Variants in LRRC36 observed in about 807,000 individuals in gnomAD.
LRRC36 encodes leucine-rich repeat-containing protein 36.
LRRC36 carries 62 observed loss-of-function variants against 81.1 expected under a neutral mutation model. The ratio of observed to expected loss-of-function variants is 0.76; its 90% CI spans 0.62 to 0.94. LRRC36 has a LOEUF of 0.94. LRRC36 is among the 40% of genes least tolerant of loss of function. The pLI, the probability that LRRC36 is intolerant of heterozygous loss-of-function variation, is 0.00. For synonymous variants in LRRC36, 334 were observed against 348.6 expected (o/e 0.96, Z 0.47); for missense variants, 761 against 881.7 (o/e 0.86, Z 1.73).
intron 1 of LRRC36, among the ~76,000 whole-genome samples, chr16:67,331,256 A>G (rs541510043): frequency 2.0e-5 from 3 of 152,298 alleles, no homozygotes; most frequent in African/African-American, 7.2e-5. Context: ...ACGTTTCAAC[A>G]TGAAAGCTGG....
chr16:67,360,746 A>G (rs528002825), intron 5 of LRRC36, among the ~76,000 whole-genome samples: 54 of 152,314 alleles, frequency 3.5e-4, no homozygotes, highest in Non-Finnish European at 7.2e-4. Flanking sequence ...GCTGGTTCTC[A>G]AGAGGCTGGC....
intron 1 of LRRC36, among the ~76,000 whole-genome samples, chr16:67,338,862 T>C (rs2037886709): frequency 7.6e-6 from 1 of 131,630 alleles, no homozygotes; most frequent in Non-Finnish European, 1.6e-5. Context: ...GCTTGGAAGC[T>C]GAATTTTTTT....
chr16:67,358,140 C>A (rs2038981825), intron 5 of LRRC36, among the ~76,000 whole-genome samples: 4 of 142,362 alleles, frequency 2.8e-5, no homozygotes, highest in Non-Finnish European at 6.0e-5. Context: ...CGTACTTAGT[C>A]ATAATAGTGG....
intron 1 of LRRC36, among the ~76,000 whole-genome samples, chr16:67,328,835 T>G (rs1362186405): frequency 6.6e-6 from 1 of 150,486 alleles, no homozygotes; most frequent in Non-Finnish European, 1.5e-5. Flanking sequence ...TCCAACCCCC[T>G]ACACTGACTA....
In LRRC36 at chr16:67,377,390, G is replaced by A. The variant is rs577347025; in HGVS notation, c.1806+518G>A. Among the ~76,000 whole-genome samples the A allele has an allele frequency of 3.3e-5, 5 of 152,290 alleles. No homozygotes were observed. The East Asian group carries it at 5.8e-4, about 18-fold the overall frequency. ...CTGTTACCCAGCCTCGAGCGCAGTG[G>A]CACGATCTCGGCTCACTGCAACCTC... On this transcript the variant is annotated intron_variant, in intron 11 of 13. Coordinates refer to ENST00000329956, the MANE Select transcript of LRRC36 (RefSeq NM_018296.6).
At chr16:67,376,913 C>G (rs964854929) in intron 11 of LRRC36, 41 bp downstream of exon 11, 2 of 1,567,522 alleles carry the variant, frequency 1.3e-6, no homozygotes, top group Admixed American at 3.6e-5. Context: ...GACAGAGCAG[C>G]AGAACTACAA....
chr16:67,344,965 TC>T (rs2142012500), intron 2 of LRRC36, among the ~76,000 whole-genome samples: 1 of 152,092 alleles, frequency 6.6e-6, no homozygotes, highest in East Asian at 1.9e-4. Context: ...ATGACAGAAT[TC>T]CTTTTATGGA....
chr16:67,363,862 T>G (rs938051147), intron 6 of LRRC36, 148 bp downstream of exon 6: 2 of 732,940 alleles, frequency 2.7e-6, no homozygotes, highest in African/African-American at 3.6e-5. Flanking sequence ...CAGGACAGAA[T>G]GCAGAGTACC....
intron 13 of LRRC36, 95 bp downstream of exon 13, chr16:67,382,342 G>C: frequency 1.2e-6 from 1 of 802,222 alleles, no homozygotes; most frequent in Non-Finnish European, 2.0e-6. Flanking sequence ...TATGCACTTT[G>C]CAAGTGAACT....
intron 5 of LRRC36, 127 bp downstream of exon 5, chr16:67,350,417 TG>T: frequency 1.3e-6 from 1 of 792,314 alleles, no homozygotes; most frequent in Non-Finnish European, 2.1e-6. Context: ...ACAGGTTTAC[TG>T]GCTGTGTTTT....
chr16:67,379,899 T>TCC (rs2040048533), intron 12 of LRRC36, among the ~76,000 whole-genome samples: 1 of 152,202 alleles, frequency 6.6e-6, no homozygotes, highest in African/African-American at 2.4e-5. Flanking sequence ...CCTAATGTTA[T>TCC]TAATTTCATA....
Position 67,367,503 on chromosome 16 carries a change from G to C in LRRC36, c.1195+46G>C, listed in dbSNP as rs1354109477. On this transcript the variant is annotated intron_variant, in intron 8 of 13. Coordinates refer to ENST00000329956, the MANE Select transcript of LRRC36 (RefSeq NM_018296.6). Reference sequence around the variant, plus strand: ...TACAGGTCTTCTTCATAGGCATGAAGATAGAAGATATAAGTGAAAATTTTG... The same window carrying C: ...TACAGGTCTTCTTCATAGGCATGAACATAGAAGATATAAGTGAAAATTTTG... 3 of 1,511,482 alleles carry C rather than the reference G, an allele frequency of 2.0e-6. No individual in the cohort carries two copies. The African/African-American group carries it at 4.2e-5, about 21-fold the overall frequency. The allele number at this position is 1,511,482 out of a possible 1,614,324, so 93.6% of individuals were successfully genotyped here.
At chr16:67,365,905 C>A (rs903880664) in intron 7 of LRRC36, among the ~76,000 whole-genome samples, 14 of 151,168 alleles carry the variant, frequency 9.3e-5, no homozygotes, top group African/African-American at 2.4e-4. Context: ...AGATTTAAAT[C>A]TATCCATTAA....
At chr16:67,345,990 T>C (rs1443361456) in intron 2 of LRRC36, among the ~76,000 whole-genome samples, 2 of 152,172 alleles carry the variant, frequency 1.3e-5, no homozygotes, top group Admixed American at 1.3e-4. Context: ...AAGTGGAGAA[T>C]TGACTGCAGA....
At chr16:67,334,797 A>AT (rs1406539960) in intron 1 of LRRC36, among the ~76,000 whole-genome samples, 2 of 152,148 alleles carry the variant, frequency 1.3e-5, no homozygotes, top group African/African-American at 4.8e-5. Flanking sequence ...GGCCTGAGAA[A>AT]TAAAGGGACA....
Position 67,375,297 on chromosome 16 carries a change from T to C in LRRC36, c.1545T>C (p.Ser515=). The C allele has an allele frequency of 6.2e-7, 1 of 1,611,872 alleles. No individual in the cohort carries two copies. Among genetic ancestry groups the C allele is most frequent in the Middle Eastern group, 1.7e-4 (1 of 6,054 alleles). The part of the protein sequence containing the change: ...GSLHGLAGNH[S]PPISARTPHV... The stretch of plus-strand genomic sequence containing the variant: ...TGCACGGTTTGGCTGGAAACCACAG[T>C]CCCCCCATCTCTGCCAGAACCCCCC... Residue 515 remains serine, a synonymous_variant, in exon 10 of 14, where the codon AGT becomes AGC. Coordinates refer to ENST00000329956, the MANE Select transcript of LRRC36 (RefSeq NM_018296.6).
Position 67,341,977 on chromosome 16 carries a change from T to C in LRRC36, c.91T>C (p.Leu31=), listed in dbSNP as rs149138492. ...TTCAGAACTGGTGGAGTCTCTTTCA[T>C]TGCAGGGATCTTATGCTGGCAAAAT... ...EQPELVESLS[L]QGSYAGKIHS... The change falls in exon 2 of 14, where the codon TTG becomes CTG. Residue 31 remains leucine, a synonymous_variant. Transcript: ENST00000329956. The C allele has an allele frequency of 2.4e-5, 39 of 1,611,502 alleles. No homozygotes were observed. The highest frequency in any genetic ancestry group is 3.1e-5 in the Non-Finnish European group (37 of 1,178,294).
chr16:67,377,423 C>CA (rs1391980195), intron 11 of LRRC36, among the ~76,000 whole-genome samples: 2 of 152,196 alleles, frequency 1.3e-5, no homozygotes, highest in Admixed American at 1.3e-4. Flanking sequence ...CTCTGCCCCC[C>CA]AGGTTCAAGC....
chr16:67,365,562 A>AT (rs539996826), intron 7 of LRRC36, among the ~76,000 whole-genome samples: 25 of 151,264 alleles, frequency 1.7e-4, no homozygotes, highest in African/African-American at 5.3e-4. Context: ...TTTGTTCTTG[A>AT]TTTTTTTTGC....
Sources: allele counts gnomAD v4.1 joint callset (sites outside exome capture counted in the v4.1 genomes callset), GRCh38; gene constraint gnomAD v4.1.1; transcripts MANE v1.5; gene names NCBI Gene and HGNC (gene_info 2026-07-23, HGNC 2026-07-21).